IL1RAP: variants seen among roughly 807,000 people sequenced by gnomAD.
IL1RAP encodes interleukin-1 receptor accessory protein.
In IL1RAP, 35 loss-of-function variants were observed where a neutral mutation model predicts 60.7. The ratio of observed to expected loss-of-function variants is 0.58; its 90% CI spans 0.44 to 0.76. The LOEUF is 0.76. Ranked by LOEUF, IL1RAP falls within the 30% of genes least tolerant of loss-of-function variation. IL1RAP has a pLI of 0.00. For missense variants in IL1RAP, 572 were observed against 693.9 expected, an observed-to-expected ratio of 0.82 and a Z score of 1.97; for synonymous variants, 268 against 250.9, an observed-to-expected ratio of 1.07 and a Z score of -0.64.
chr3:190,605,740 T>C (rs1291483848), intron 4 of IL1RAP, among the ~76,000 whole-genome samples: 1 of 152,204 alleles, frequency 6.6e-6, no homozygotes, highest in Non-Finnish European at 1.5e-5. Flanking sequence ...TGTGTGTTTG[T>C]GTCTTAATCT....
intron 3 of IL1RAP, among the ~76,000 whole-genome samples, chr3:190,571,334 A>C (rs1159290960): frequency 1.3e-5 from 2 of 151,908 alleles, no homozygotes; most frequent in Non-Finnish European, 2.9e-5. Flanking sequence ...CAAAATAATA[A>C]GACCCTGACT....
chr3:190,627,599 T>C (rs1732421689), intron 8 of IL1RAP, 150 bp downstream of exon 8: 3 of 1,025,804 alleles, frequency 2.9e-6, no homozygotes, highest in Non-Finnish European at 4.1e-6. Context: ...GGTGATTGCA[T>C]CCCAAACCAG....
downstream of IL1RAP, among the ~76,000 whole-genome samples, chr3:190,655,458 GGAA>G (rs1213894611): frequency 6.6e-6 from 1 of 152,098 alleles, no homozygotes; most frequent in East Asian, 1.9e-4. Flanking sequence ...ACATTTGCGA[GGAA>G]GAAGATTTCA....
At chr3:190,609,323 A>T in intron 5 of IL1RAP, 142 bp downstream of exon 5, 1 of 558,582 alleles carries the variant, frequency 1.8e-6, no homozygotes, top group Non-Finnish European at 3.0e-6. Context: ...GAAGTATTTC[A>T]GCACGTCCTC....
chr3:190,549,206 G>C (rs1724643387), intron 1 of IL1RAP, among the ~76,000 whole-genome samples: 1 of 152,148 alleles, frequency 6.6e-6, no homozygotes, highest in Non-Finnish European at 1.5e-5. Context: ...GAGGAACCAG[G>C]CTCCTCCCTC....
rs1734228325 is a variant in IL1RAP at position 190,648,893 on chromosome 3, T to C, written c.*188T>C. 9.4e-6 allele frequency: 13 copies of C among 1,382,196 alleles called. No homozygotes were observed. In the South Asian group the frequency reaches 2.3e-4, roughly 24 times the overall value. 85.6% of individuals were successfully genotyped at this position (1,382,196 alleles called of 1,614,324 possible). On this transcript the variant is annotated 3_prime_UTR_variant, in exon 12 of 12. Transcript: ENST00000447382. The stretch of plus-strand genomic sequence containing the variant: ...CAGGCAACACTAAAGTTTAGAAAGA[T>C]ATCATCAACGTTCTGTCACCAGTCT...
At chr3:190,582,317 C>CT (rs371785536) in intron 3 of IL1RAP, among the ~76,000 whole-genome samples, 2,056 of 140,450 alleles carry the variant, frequency 0.015, 35 homozygotes, top group African/African-American at 0.043. Context: ...CTTTTCTTTT[C>CT]TTTTTTTTTT....
In IL1RAP at chr3:190,649,202, G is replaced by C; in HGVS notation, c.*497G>C. The stretch of plus-strand genomic sequence containing the variant: ...AATGAACTTTTTTCCTCATTCGGCT[G>C]TATAATACATAACCACAGCAAGACT... On this transcript the variant is annotated 3_prime_UTR_variant, in exon 12 of 12. Coordinates refer to ENST00000447382, the MANE Select transcript of IL1RAP (RefSeq NM_002182.4). 1.0e-6 allele frequency: 1 copy of C among 986,926 alleles called. No homozygotes were observed. Among genetic ancestry groups the C allele is most frequent in the Non-Finnish European group, 1.2e-6 (1 of 831,042 alleles). 61.1% of individuals were successfully genotyped at this position (986,926 alleles called of 1,614,324 possible). A position where few individuals can be genotyped will look rare whatever the true frequency, so the allele number is the denominator to read the frequency against.
At chr3:190,562,376 T>G (rs3773981) in intron 2 of IL1RAP, among the ~76,000 whole-genome samples, 34,690 of 151,876 alleles carry the variant, frequency 0.23, 4,909 homozygotes, top group African/African-American at 0.41. Context: ...AGGGGGTTTT[T>G]TTTTTGGTGC....
chr3:190,552,640 C>T (rs1229597406), intron 1 of IL1RAP, among the ~76,000 whole-genome samples: 1 of 152,048 alleles, frequency 6.6e-6, no homozygotes, highest in Admixed American at 6.5e-5. Flanking sequence ...TACAACTACA[C>T]CCAGTCCCCA....
In IL1RAP at chr3:190,620,369, CAT is replaced by C. The variant is rs1404662847; in HGVS notation, c.633_634del (p.Val213CysfsTer36). 1.3e-5 allele frequency: 21 copies of C among 1,611,166 alleles called. No homozygotes were observed. The highest frequency in any genetic ancestry group is 2.2e-5 in the East Asian group (1 of 44,814). On this transcript the variant is annotated frameshift_variant, in exon 6 of 12. Coordinates refer to ENST00000447382, the MANE Select transcript of IL1RAP (RefSeq NM_002182.4). LOFTEE classifies it high-confidence loss of function. ...TTAATTTCAAATAATGGAAATTACA[CAT>C]GTGTTGTTACATATCCAGAAAATGG... is the stretch of plus-strand genomic sequence containing the variant.
In IL1RAP at chr3:190,620,421, T is replaced by G; in HGVS notation, c.684T>G (p.Thr228=). 2 of 1,611,844 alleles carry G rather than the reference T, an allele frequency of 1.2e-6. No individual in the cohort carries two copies. The highest frequency in any genetic ancestry group is 1.3e-5 in the African/African-American group (1 of 74,876). ...GACGTACGTTTCATCTCACCAGGAC[T>G]CTGACTGTAAAGGTAGTAGGTAAGC... ...ENGRTFHLTR[T]LTVKVVGSPK... Residue 228 remains threonine, a synonymous_variant, in exon 6 of 12, where the codon ACT becomes ACG. Coordinates refer to ENST00000447382, the MANE Select transcript of IL1RAP (RefSeq NM_002182.4).
intron 1 of IL1RAP, among the ~76,000 whole-genome samples, chr3:190,529,146 G>A (rs1722758562): frequency 6.6e-6 from 1 of 152,190 alleles, no homozygotes; most frequent in South Asian, 2.1e-4. Context: ...TGATGATATA[G>A]GTGTTCTGCA....
At chr3:190,523,549 G>A (rs995206767) in intron 1 of IL1RAP, among the ~76,000 whole-genome samples, 3 of 152,002 alleles carry the variant, frequency 2.0e-5, no homozygotes, top group African/African-American at 7.2e-5. Context: ...GGGCCCCAGT[G>A]TGTGTTGTTT....
chr3:190,641,124 C>A (rs1733632927), intron 9 of IL1RAP, among the ~76,000 whole-genome samples: 2 of 152,124 alleles, frequency 1.3e-5, no homozygotes, highest in South Asian at 4.1e-4. Context: ...CGCCACCACA[C>A]CCGGCTAATT....
At chr3:190,553,149 G>A (rs1725015639) in intron 1 of IL1RAP, among the ~76,000 whole-genome samples, 2 of 152,172 alleles carry the variant, frequency 1.3e-5, no homozygotes, top group Non-Finnish European at 2.9e-5. Flanking sequence ...GCCTTGCCAT[G>A]TGGTTACATG....
intron 2 of IL1RAP, among the ~76,000 whole-genome samples, chr3:190,560,033 A>C (rs1038359999): frequency 6.6e-6 from 1 of 152,206 alleles, no homozygotes; most frequent in African/African-American, 2.4e-5. Context: ...AAGCCCTGTA[A>C]ACTCCACAAA....
chr3:190,627,583 A>G lies in IL1RAP; in HGVS notation c.902+134A>G, dbSNP rs994425304. Reference sequence around the variant, plus strand: ...TAACAAAAATCGGCAAGATTTTCAAATCTTTGGTGATTGCATCCCAAACCA... The same window carrying G: ...TAACAAAAATCGGCAAGATTTTCAAGTCTTTGGTGATTGCATCCCAAACCA... On this transcript the variant is annotated intron_variant, in intron 8 of 11. Transcript: ENST00000447382. 8 of 1,173,646 alleles carry G rather than the reference A, an allele frequency of 6.8e-6. No individual in the cohort carries two copies. In the African/African-American group the frequency reaches 7.8e-5, roughly 11 times the overall value. The allele number at this position is 1,173,646 out of a possible 1,614,324, so 72.7% of individuals were successfully genotyped here.
chr3:190,551,867 T>C (rs1216938854), intron 1 of IL1RAP, among the ~76,000 whole-genome samples: 1 of 152,230 alleles, frequency 6.6e-6, no homozygotes, highest in African/African-American at 2.4e-5. Flanking sequence ...AATAACTTAA[T>C]ATAACAAGCT....
Sources: gnomAD v4.1 joint callset for allele counts (sites outside exome capture counted in the v4.1 genomes callset) on GRCh38, gnomAD v4.1.1 for gene constraint, MANE v1.5 for transcripts, NCBI Gene and HGNC (gene_info 2026-07-23, HGNC 2026-07-21) for gene names.